CAAP1: variants seen among roughly 807,000 people sequenced by gnomAD.
CAAP1 encodes the protein caspase activity and apoptosis inhibitor 1.
In CAAP1, 20 loss-of-function variants were observed where a neutral mutation model predicts 34.0. The ratio of observed to expected loss-of-function variants is 0.59; its 90% CI spans 0.41 to 0.86. The LOEUF (loss-of-function observed/expected upper bound fraction) is 0.86. CAAP1 is among the 40% of genes least tolerant of loss of function. The pLI is 0.00. For synonymous variants in CAAP1, 213 were observed against 166.7 expected, an observed-to-expected ratio of 1.28 and a Z score of -2.14; for missense variants, 538 against 450.5, an observed-to-expected ratio of 1.19 and a Z score of -1.76.
chr9:26,892,576 C>T lies in CAAP1; in HGVS notation c.140G>A (p.Gly47Glu). 1 of 1,594,884 alleles carries T rather than the reference C, an allele frequency of 6.3e-7. No individual in the cohort carries two copies. Among genetic ancestry groups the T allele is most frequent in the Non-Finnish European group, 8.5e-7 (1 of 1,171,678 alleles). The change falls in exon 1 of 6, where the codon GGG becomes GAG. Residue 47 changes from glycine to glutamate, a missense_variant. By Grantham distance (98) the Gly-to-Glu change is moderately conservative (BLOSUM62 -2). Transcript: ENST00000333916. Reference sequence around the variant, plus strand: ...ACAGCAGCTGACGCTCCCGCAGCCCCCGGCGCTCCCGCAGCCGCTAGTGCT... The same window carrying T: ...ACAGCAGCTGACGCTCCCGCAGCCCTCGGCGCTCCCGCAGCCGCTAGTGCT... The part of the protein sequence containing the change: ...SGSTSGCGSA[G>E]GCGSVSCCGN...
intron 5 of CAAP1, among the ~76,000 whole-genome samples, chr9:26,849,440 T>G (rs1396330536): frequency 6.6e-6 from 1 of 152,236 alleles, no homozygotes; most frequent in Admixed American, 6.5e-5. Context: ...GTGTATTGTT[T>G]AAAGTTAACT....
At chr9:26,847,619 G>A (rs566032532) in intron 5 of CAAP1, among the ~76,000 whole-genome samples, 1 of 151,986 alleles carries the variant, frequency 6.6e-6, no homozygotes, top group Non-Finnish European at 1.5e-5. Context: ...TGAAATATCT[G>A]ACTTGTTTCT....
chr9:26,891,863 T>C (rs1054650085), intron 1 of CAAP1, among the ~76,000 whole-genome samples: 2 of 152,238 alleles, frequency 1.3e-5, no homozygotes, highest in Admixed American at 6.5e-5. Flanking sequence ...CATTCATTTG[T>C]TTTCAAACAA....
intron 4 of CAAP1, among the ~76,000 whole-genome samples, chr9:26,879,940 G>A (rs1475713354): frequency 6.6e-6 from 1 of 152,120 alleles, no homozygotes; most frequent in African/African-American, 2.4e-5. Context: ...TTTACCTTGT[G>A]ATCGTGTGAC....
In CAAP1 at chr9:26,892,755, T is replaced by C. The variant is rs1169071134; in HGVS notation, c.-40A>G. 2.6e-6 allele frequency: 4 copies of C among 1,535,036 alleles called. No homozygotes were observed. The highest frequency in any genetic ancestry group is 3.5e-6 in the Non-Finnish European group (4 of 1,145,814). ...AACCATCGGAGGAAAGTCCGCTGTC[T>C]CTGGTGCGACCGAAGCCCGACTCCT... is the stretch of plus-strand genomic sequence containing the variant. On this transcript the variant is annotated 5_prime_UTR_variant, in exon 1 of 6. Transcript: ENST00000333916.
chr9:26,847,172 G>T (rs942177591), intron 5 of CAAP1, among the ~76,000 whole-genome samples: 1 of 96,318 alleles, frequency 1.0e-5, no homozygotes, highest in Admixed American at 1.1e-4. Context: ...AAAAATCCTC[G>T]TTTTTACTAG....
chr9:26,876,476 T>G (rs866403830), intron 4 of CAAP1, among the ~76,000 whole-genome samples: 3,019 of 147,966 alleles, frequency 0.02, 107 homozygotes, highest in African/African-American at 0.075. Context: ...TAGAAGGTTT[T>G]TTTTTTTTTT....
At chr9:26,877,477 G>A (rs1823469953) in intron 4 of CAAP1, among the ~76,000 whole-genome samples, 2 of 152,166 alleles carry the variant, frequency 1.3e-5, no homozygotes, top group Admixed American at 6.5e-5. Context: ...TTCCTCAGAT[G>A]AGTACATGCG....
Position 26,884,674 on chromosome 9 carries a change from A to C in CAAP1, c.665+136T>G, listed in dbSNP as rs1823684669. 4.3e-6 allele frequency: 3 copies of C among 704,244 alleles called. No homozygotes were observed. In the African/African-American group the frequency reaches 5.4e-5, roughly 13 times the overall value. 43.6% of individuals were successfully genotyped at this position (704,244 alleles called of 1,614,324 possible). Reference sequence around the variant, plus strand: ...ACCAAAAGGACCAATCATTACAAGTAGACAAATAAATCTTTCTATACCACT... The same window carrying C: ...ACCAAAAGGACCAATCATTACAAGTCGACAAATAAATCTTTCTATACCACT... On this transcript the variant is annotated intron_variant, in intron 4 of 5. Coordinates refer to ENST00000333916, the MANE Select transcript of CAAP1 (RefSeq NM_024828.4).
At chr9:26,866,572 A>T (rs1823143902) in intron 4 of CAAP1, among the ~76,000 whole-genome samples, 1 of 152,232 alleles carries the variant, frequency 6.6e-6, no homozygotes, top group South Asian at 2.1e-4. Context: ...ACATGAAGAC[A>T]AACACTCTGG....
intron 4 of CAAP1, among the ~76,000 whole-genome samples, chr9:26,874,915 T>A (rs563789118): frequency 6.6e-6 from 1 of 152,280 alleles, no homozygotes; most frequent in African/African-American, 2.4e-5. Context: ...GAAGATAAAC[T>A]GCAAAGATAA....
At chr9:26,870,039 CTTT>C (rs555433697) in intron 4 of CAAP1, 4,544 of 275,682 alleles carry the variant, frequency 0.016, 19 homozygotes, top group African/African-American at 0.035. Context: ...GAAAGAATAA[CTTT>C]TTTTTTTTTT....
At chr9:26,884,743 G>A (rs759369558) in intron 4 of CAAP1, 67 bp downstream of exon 4, 1 of 1,051,468 alleles carries the variant, frequency 9.5e-7, no homozygotes. Flanking sequence ...TCATATCTTT[G>A]ACATAAGAAA....
chr9:26,863,349 C>A (rs966167586), intron 4 of CAAP1, among the ~76,000 whole-genome samples: 2 of 151,964 alleles, frequency 1.3e-5, no homozygotes, highest in African/African-American at 4.8e-5. Context: ...AAAAAAAATC[C>A]CAGAAAGTCT....
intron 5 of CAAP1, among the ~76,000 whole-genome samples, chr9:26,854,050 C>A (rs1027315360): frequency 6.6e-6 from 1 of 152,074 alleles, no homozygotes; most frequent in Non-Finnish European, 1.5e-5. Flanking sequence ...GTACAAGTTA[C>A]GTAAAGGCAT....
intron 5 of CAAP1, among the ~76,000 whole-genome samples, chr9:26,848,515 C>CA (rs201151850): frequency 0.011 from 1,640 of 147,822 alleles, 38 homozygotes; most frequent in East Asian, 0.074. Flanking sequence ...GACTCCATCT[C>CA]AAAAAAAGAA....
chr9:26,870,551 C>T (rs758011915), intron 4 of CAAP1, among the ~76,000 whole-genome samples: 9 of 145,586 alleles, frequency 6.2e-5, no homozygotes, highest in Non-Finnish European at 1.4e-4. Context: ...GACACATACA[C>T]ACACACACAC....
intron 5 of CAAP1, 124 bp from the exon 6 acceptor site, chr9:26,842,771 A>G (rs1822511535): frequency 2.9e-6 from 2 of 686,418 alleles, no homozygotes; most frequent in Non-Finnish European, 4.8e-6. Context: ...AACACATTCC[A>G]TAATCCCCAT....
chr9:26,874,575 C>A (rs1019699559), intron 4 of CAAP1, among the ~76,000 whole-genome samples: 2 of 152,068 alleles, frequency 1.3e-5, no homozygotes, highest in Admixed American at 1.3e-4. Context: ...TATTAATTAC[C>A]TCCATGAAAT....
Sources: allele counts gnomAD v4.1 joint callset (sites outside exome capture counted in the v4.1 genomes callset), GRCh38; gene constraint gnomAD v4.1.1; transcripts MANE v1.5; gene names NCBI Gene and HGNC (gene_info 2026-07-23, HGNC 2026-07-21).